Variants in RALA observed in about 807,000 individuals in gnomAD.
RALA encodes RAS like proto-oncogene A, also known as ras-related protein Ral-A.
A neutral mutation model predicts 24.0 loss-of-function variants in RALA; 5 were observed. The ratio of observed to expected loss-of-function variants is 0.21; its 90% CI spans 0.11 to 0.44. The LOEUF (loss-of-function observed/expected upper bound fraction) is 0.44. Ranked by LOEUF, RALA falls within the 20% of genes least tolerant of loss-of-function variation. The pLI, the probability that RALA is intolerant of heterozygous loss-of-function variation, is 0.99. For missense variants in RALA, 95 were observed against 241.2 expected (o/e 0.39, Z 4.01); for synonymous variants, 77 against 83.8 (o/e 0.92, Z 0.44).
intron 4 of RALA, among the ~76,000 whole-genome samples, chr7:39,701,935 G>A (rs1193247292): frequency 1.3e-5 from 2 of 152,078 alleles, no homozygotes; most frequent in Non-Finnish European, 2.9e-5. Flanking sequence ...AAATGCTCTG[G>A]GTCTTAATTC....
At chr7:39,678,980 T>A (rs1792539052) in intron 1 of RALA, among the ~76,000 whole-genome samples, 1 of 152,168 alleles carries the variant, frequency 6.6e-6, no homozygotes, top group Non-Finnish European at 1.5e-5. Context: ...AAAAAATCCT[T>A]CCAAATATAT....
At chr7:39,685,705 TC>T (rs1792687270) in intron 1 of RALA, among the ~76,000 whole-genome samples, 1 of 151,610 alleles carries the variant, frequency 6.6e-6, no homozygotes, top group South Asian at 2.1e-4. Flanking sequence ...TGGCCAGCCA[TC>T]CCAAGAAACA....
chr7:39,670,069 T>C (rs1792354202), intron 1 of RALA, among the ~76,000 whole-genome samples: 1 of 152,214 alleles, frequency 6.6e-6, no homozygotes, highest in South Asian at 2.1e-4. Flanking sequence ...TAGTAGCTCA[T>C]ACATAGAACC....
intron 1 of RALA, among the ~76,000 whole-genome samples, chr7:39,633,824 A>C (rs1363334708): frequency 6.6e-6 from 1 of 152,192 alleles, no homozygotes; most frequent in Non-Finnish European, 1.5e-5. Flanking sequence ...GTGTTGGCCC[A>C]GCATCCTGCA....
chr7:39,672,117 G>A (rs959189935), intron 1 of RALA, among the ~76,000 whole-genome samples: 5 of 151,994 alleles, frequency 3.3e-5, no homozygotes, highest in Non-Finnish European at 7.4e-5. Context: ...CAAAAAATAT[G>A]TCAAGAAAAT....
intron 1 of RALA, among the ~76,000 whole-genome samples, chr7:39,627,122 TTGTC>T (rs1478326325): frequency 2.0e-5 from 3 of 152,046 alleles, no homozygotes; most frequent in African/African-American, 7.2e-5. Context: ...AAACAGCTGA[TTGTC>T]TGGCCCCCAT....
chr7:39,691,520 A>G (rs983832609), intron 3 of RALA, among the ~76,000 whole-genome samples: 1 of 152,170 alleles, frequency 6.6e-6, no homozygotes, highest in Non-Finnish European at 1.5e-5. Context: ...GAAGCTGGGA[A>G]ACCTTCATGA....
chr7:39,662,839 A>G (rs760069803), intron 1 of RALA, among the ~76,000 whole-genome samples: 1 of 152,016 alleles, frequency 6.6e-6, no homozygotes, highest in Non-Finnish European at 1.5e-5. Flanking sequence ...ACCCCACTCT[A>G]CCAGTACCAG....
chr7:39,646,747 T>C (rs567735713), intron 1 of RALA, among the ~76,000 whole-genome samples: 3 of 152,374 alleles, frequency 2.0e-5, no homozygotes, highest in Admixed American at 2.0e-4. Flanking sequence ...TGAGTACCTC[T>C]GTTACAGAGG....
chr7:39,668,784 C>T (rs1283261278), intron 1 of RALA, among the ~76,000 whole-genome samples: 20 of 123,868 alleles, frequency 1.6e-4, no homozygotes, highest in Admixed American at 3.6e-4. Context: ...GCAACAAGAG[C>T]GAAATTCCAT....
chr7:39,636,593 G>A (rs571325280), intron 1 of RALA, among the ~76,000 whole-genome samples: 5 of 152,198 alleles, frequency 3.3e-5, no homozygotes, highest in African/African-American at 7.2e-5. Context: ...GAACTTCCAG[G>A]TGGACTTTCT....
At chr7:39,640,714 A>T (rs1409349477) in intron 1 of RALA, among the ~76,000 whole-genome samples, 1 of 152,224 alleles carries the variant, frequency 6.6e-6, no homozygotes, top group African/African-American at 2.4e-5. Context: ...ATCTATTAAT[A>T]GTATTGAAGC....
intron 1 of RALA, among the ~76,000 whole-genome samples, chr7:39,666,759 A>C (rs1201532308): frequency 6.6e-6 from 1 of 152,234 alleles, no homozygotes; most frequent in Admixed American, 6.5e-5. Context: ...GTAAGAATTC[A>C]GCAGGTGGTC....
intron 4 of RALA, among the ~76,000 whole-genome samples, chr7:39,705,506 T>C (rs910694479): frequency 6.6e-6 from 1 of 152,170 alleles, no homozygotes; most frequent in Non-Finnish European, 1.5e-5. Context: ...TGAATTGTTA[T>C]ACTCGTAATT....
chr7:39,684,802 C>T (rs535216207), intron 1 of RALA, among the ~76,000 whole-genome samples: 1 of 151,888 alleles, frequency 6.6e-6, no homozygotes, highest in South Asian at 2.1e-4. Flanking sequence ...CCGCATGTGG[C>T]CCACGGGCCA....
At chr7:39,648,985 A>C (rs947066462) in intron 1 of RALA, among the ~76,000 whole-genome samples, 1 of 152,142 alleles carries the variant, frequency 6.6e-6, no homozygotes, top group South Asian at 2.1e-4. Flanking sequence ...GCTTGAGCCC[A>C]GGAGATCAAG....
At chr7:39,640,302 G>A (rs1791790256) in intron 1 of RALA, among the ~76,000 whole-genome samples, 1 of 152,216 alleles carries the variant, frequency 6.6e-6, no homozygotes, top group Non-Finnish European at 1.5e-5. Context: ...CTCCCAAAGT[G>A]CTGGGATTAC....
chr7:39,673,566 G>T (rs541163898), intron 1 of RALA, among the ~76,000 whole-genome samples: 1 of 152,200 alleles, frequency 6.6e-6, no homozygotes, highest in Non-Finnish European at 1.5e-5. Context: ...CATTTGAGAA[G>T]AAATTTAATT....
intron 1 of RALA, among the ~76,000 whole-genome samples, chr7:39,662,335 G>A (rs745543880): frequency 8.5e-5 from 13 of 152,106 alleles, no homozygotes; most frequent in East Asian, 1.9e-4. Flanking sequence ...TTCTGCAGAC[G>A]GCTTGAATTA....
Sources: allele counts gnomAD v4.1 joint callset (sites outside exome capture counted in the v4.1 genomes callset), GRCh38; gene constraint gnomAD v4.1.1; transcripts MANE v1.5; gene names NCBI Gene and HGNC (gene_info 2026-07-23, HGNC 2026-07-21).